HSBP1: variants seen among roughly 807,000 people sequenced by gnomAD.
HSBP1 encodes the protein heat shock factor binding protein 1.
Under a neutral mutation model 9.6 loss-of-function variants are expected in HSBP1, and 5 were observed. The observed-to-expected ratio is 0.52, with a 90% CI of 0.27 to 1.09. The LOEUF (loss-of-function observed/expected upper bound fraction) is 1.09, where lower values mean the gene tolerates loss of function less well. HSBP1 is among the 50% of genes least tolerant of loss of function. The pLI, the probability that HSBP1 is intolerant of heterozygous loss-of-function variation, is 0.11. For synonymous variants in HSBP1, 42 were observed against 33.3 expected (o/e 1.26, Z -0.90); for missense variants, 121 against 96.3 (o/e 1.26, Z -1.07).
intron 2 of HSBP1, 95 bp from the exon 3 acceptor site, chr16:83,809,210 T>G: frequency 2.6e-6 from 2 of 756,800 alleles, no homozygotes; most frequent in South Asian, 3.3e-5. Context: ...AAGACCAGTT[T>G]CCCTAAAGTC....
intron 3 of HSBP1, 24 bp downstream of exon 3, chr16:83,809,449 TTTC>T: frequency 4.6e-6 from 5 of 1,092,548 alleles, no homozygotes; most frequent in Admixed American, 2.8e-5. Context: ...CAATTTTTTT[TTTC>T]TTTTCTTTTC....
chr16:83,810,333 C>G (rs1904571668), intron 3 of HSBP1, among the ~76,000 whole-genome samples: 1 of 152,072 alleles, frequency 6.6e-6, no homozygotes, highest in Non-Finnish European at 1.5e-5. Context: ...TACAGAATCA[C>G]TCAGCAGAGT....
In HSBP1 at chr16:83,818,070, A is replaced by C. The variant is rs1294418027; in HGVS notation, c.*6652A>C. On this transcript the variant is annotated 3_prime_UTR_variant, in exon 4 of 4. Transcript: ENST00000433866. ...TGAAAGCCATCTGTCAAAAGTACGC[A>C]GTCTTGCTTGTAGAATTTTAGAGGT... The C allele has an allele frequency of 1.3e-5, 2 of 152,320 alleles. No homozygotes were observed. The highest frequency in any genetic ancestry group is 3.9e-4 in the East Asian group (2 of 5,180). 9.4% of individuals were successfully genotyped at this position (152,320 alleles called of 1,614,324 possible).
rs752140725 is a variant in HSBP1 at position 83,808,117 on chromosome 16, C to T, written c.41C>T (p.Ser14Leu). Residue 14 changes from serine (S) to leucine (L), a missense_variant, in exon 1 of 4, where the codon TCG becomes TTG. By Grantham distance (145) the Ser-to-Leu change is moderately radical. Transcript: ENST00000433866. ...CCCAAGACCGTGCAGGACCTCACCT[C>T]GGTGGTAAGGGACGGCTGTGAGGGC... The part of the protein sequence containing the change: ...TDPKTVQDLT[S>L]VVQTLLQQMQ... 2 of 1,546,368 alleles carry T rather than the reference C, an allele frequency of 1.3e-6. No homozygotes were observed. The highest frequency in any genetic ancestry group is 2.4e-5 in the South Asian group (2 of 83,996).
In HSBP1 at chr16:83,818,171, C is replaced by T. The variant is rs921354327; in HGVS notation, c.*6753C>T. On this transcript the variant is annotated 3_prime_UTR_variant, in exon 4 of 4. Transcript: ENST00000433866. ...CTCGGTTTCCTATCAGAATCCTTGT[C>T]TGGAAGGTTGATTATATCAGATGCG... The T allele has an allele frequency of 1.3e-5, 2 of 152,172 alleles. No homozygotes were observed. Among genetic ancestry groups the T allele is most frequent in the Non-Finnish European group, 2.9e-5 (2 of 68,036 alleles). The allele number at this position is 152,172 out of a possible 1,614,324, so 9.4% of individuals were successfully genotyped here. A position where few individuals can be genotyped will look rare whatever the true frequency, so the allele number is the denominator to read the frequency against.
Position 83,810,543 on chromosome 16 carries a change from AAG to A in HSBP1, c.*3-877_*3-876del, listed in dbSNP as rs1313864837. Among the ~76,000 whole-genome samples the A allele has an allele frequency of 6.1e-5, 9 of 146,458 alleles. No individual in the cohort carries two copies. In the East Asian group the frequency reaches 1.8e-3, roughly 30 times the overall value. ...TCTCAAAAAAAAAAAAAAAAAAAAA[AAG>A]GTACTGGTGCGTGGTGACTCATGCC... On this transcript the variant is annotated intron_variant, in intron 3 of 3. Transcript: ENST00000433866.
At position 83,808,305 on chromosome 16, in the gene HSBP1, C is replaced by A. The variant is rs1009303957; in HGVS notation, c.45+184C>A. 8.6e-6 allele frequency: 5 copies of A among 583,156 alleles called. No homozygotes were observed. The Admixed American group carries it at 1.9e-4, about 22-fold the overall frequency. The allele number at this position is 583,156 out of a possible 1,614,324, so 36.1% of individuals were successfully genotyped here. On this transcript the variant is annotated intron_variant, in intron 1 of 3. Coordinates refer to ENST00000433866, the MANE Select transcript of HSBP1 (RefSeq NM_001537.4). ...CCCGGGGCGCTCGGTGCGGGCCAGT[C>A]TCCCCGCGGGCGCCCCCAAGCCCGA... is the stretch of plus-strand genomic sequence containing the variant.
rs763756053 is a variant in HSBP1, at chr16:83,808,119, G to T, written c.43G>T (p.Val15Leu). The T allele has an allele frequency of 1.0e-5, 16 of 1,546,498 alleles. No individual in the cohort carries two copies. The highest frequency in any genetic ancestry group is 3.9e-5 in the Admixed American group (2 of 50,702). ...DPKTVQDLTS[V>L]VQTLLQQMQD... ...CAAGACCGTGCAGGACCTCACCTCG[G>T]TGGTAAGGGACGGCTGTGAGGGCCG... Residue 15 changes from valine to leucine, a missense_variant and splice_region_variant, in exon 1 of 4, where the codon GTG becomes TTG. Transcript: ENST00000433866.
chr16:83,811,988 C>T lies in HSBP1; in HGVS notation c.*570C>T, dbSNP rs749556605. 1.3e-5 allele frequency: 2 copies of T among 152,612 alleles called. No homozygotes were observed. The highest frequency in any genetic ancestry group is 2.4e-5 in the African/African-American group (1 of 41,442). 9.5% of individuals were successfully genotyped at this position (152,612 alleles called of 1,614,324 possible). A position where few individuals can be genotyped will look rare whatever the true frequency, so the allele number is the denominator to read the frequency against. ...GCCAAAACTCAGAATAGAACTTAGA[C>T]GTATGTCTGAGTCCCTGAGATCACA... is the stretch of plus-strand genomic sequence containing the variant. On this transcript the variant is annotated 3_prime_UTR_variant, in exon 4 of 4. Transcript: ENST00000433866.
Position 83,809,483 on chromosome 16 carries a change from T to A in HSBP1, c.*2+58T>A. 4 of 858,318 alleles carry A rather than the reference T, an allele frequency of 4.7e-6. No individual in the cohort carries two copies. In the South Asian group the frequency reaches 6.7e-5, roughly 14 times the overall value. The allele number at this position is 858,318 out of a possible 1,614,324, so 53.2% of individuals were successfully genotyped here. ...TTTTCTTTTTTTTTTTTTTTTTTTT[T>A]TTGACACGGAGTTTTGCTCTTGTTG... On this transcript the variant is annotated intron_variant, in intron 3 of 3. Coordinates refer to ENST00000433866, the MANE Select transcript of HSBP1 (RefSeq NM_001537.4).
chr16:83,812,542 A>C lies in HSBP1; in HGVS notation c.*1124A>C, dbSNP rs894554925. 1 of 152,234 alleles carries C rather than the reference A, an allele frequency of 6.6e-6. No homozygotes were observed. The highest frequency in any genetic ancestry group is 2.4e-5 in the African/African-American group (1 of 41,460). 9.4% of individuals were successfully genotyped at this position (152,234 alleles called of 1,614,324 possible). The stretch of plus-strand genomic sequence containing the variant: ...CAAAGTGCTTTTACACAAAAACTTG[A>C]AAATTTGAAAAACATGATTTTTTTA... On this transcript the variant is annotated 3_prime_UTR_variant, in exon 4 of 4. Coordinates refer to ENST00000433866, the MANE Select transcript of HSBP1 (RefSeq NM_001537.4).
Position 83,817,456 on chromosome 16 carries a change from G to C in HSBP1, c.*6038G>C, listed in dbSNP as rs1203376524. 6.6e-6 allele frequency: 1 copy of C among 152,240 alleles called. No homozygotes were observed. The highest frequency in any genetic ancestry group is 1.5e-5 in the Non-Finnish European group (1 of 68,058). The allele number at this position is 152,240 out of a possible 1,614,324, so 9.4% of individuals were successfully genotyped here. ...CTGTCCTGGGCCAGGTATGGCGCTA[G>C]CTGCTTTCACCTGTATCATCTCATT... On this transcript the variant is annotated 3_prime_UTR_variant, in exon 4 of 4. Transcript: ENST00000433866.
At chr16:83,808,227 C>T (rs897418289) in intron 1 of HSBP1, 106 bp downstream of exon 1, 8 of 965,826 alleles carry the variant, frequency 8.3e-6, no homozygotes, top group African/African-American at 1.8e-5. Context: ...TGGCGTCTGC[C>T]GAGGCCCCGT....
rs535813311 is a variant in HSBP1, at chr16:83,808,371, C to G, written c.45+250C>G. 129 of 552,408 alleles carry G rather than the reference C, an allele frequency of 2.3e-4. 1 individual carries two copies. The highest frequency in any genetic ancestry group is 3.6e-4 in the Non-Finnish European group (113 of 315,658). 34.2% of individuals were successfully genotyped at this position (552,408 alleles called of 1,614,324 possible). Reference sequence around the variant, plus strand: ...CCATTCATCTGTCGCGAACGCCCTCCGGGTCCCTCCCGCCTACCTCTGACA... The same window carrying G: ...CCATTCATCTGTCGCGAACGCCCTCGGGGTCCCTCCCGCCTACCTCTGACA... On this transcript the variant is annotated intron_variant, in intron 1 of 3. Transcript: ENST00000433866.
chr16:83,815,505 C>A lies in HSBP1; in HGVS notation c.*4087C>A, dbSNP rs1443028352. The A allele has an allele frequency of 2.2e-5, 2 of 90,974 alleles. No homozygotes were observed. The highest frequency in any genetic ancestry group is 8.4e-5 in the African/African-American group (2 of 23,906). The allele number at this position is 90,974 out of a possible 1,614,324, so 5.6% of individuals were successfully genotyped here. ...CCAGCCGGGGTGACAGAGCAAGACC[C>A]TGTCTCAAAAAAAAAAAAAAAGGGC... On this transcript the variant is annotated 3_prime_UTR_variant, in exon 4 of 4. Coordinates refer to ENST00000433866, the MANE Select transcript of HSBP1 (RefSeq NM_001537.4).
Position 83,819,433 on chromosome 16 carries a change from C to G in HSBP1, c.*8015C>G, listed in dbSNP as rs1904791756. 1 of 152,130 alleles carries G rather than the reference C, an allele frequency of 6.6e-6. No individual in the cohort carries two copies. The highest frequency in any genetic ancestry group is 2.4e-5 in the African/African-American group (1 of 41,416). 9.4% of individuals were successfully genotyped at this position (152,130 alleles called of 1,614,324 possible). A position where few individuals can be genotyped will look rare whatever the true frequency, so the allele number is the denominator to read the frequency against. ...CTTAATTACCCAGAACGTCCACGCT[C>G]TAGGACCTAGTGTGACCTCTTCTGC... is the stretch of plus-strand genomic sequence containing the variant. On this transcript the variant is annotated 3_prime_UTR_variant, in exon 4 of 4. Coordinates refer to ENST00000433866, the MANE Select transcript of HSBP1 (RefSeq NM_001537.4).
rs2032224756 is a variant in HSBP1, at chr16:83,813,922, T to G, written c.*2504T>G. The G allele has an allele frequency of 6.6e-6, 1 of 152,166 alleles. No individual in the cohort carries two copies. The highest frequency in any genetic ancestry group is 1.5e-5 in the Non-Finnish European group (1 of 68,042). 9.4% of individuals were successfully genotyped at this position (152,166 alleles called of 1,614,324 possible). A position where few individuals can be genotyped will look rare whatever the true frequency, so the allele number is the denominator to read the frequency against. ...CAAGTACAGTCATTGTTTAACCCTA[T>G]CAGGACTAACACAATATTTCACGTA... On this transcript the variant is annotated 3_prime_UTR_variant, in exon 4 of 4. Coordinates refer to ENST00000433866, the MANE Select transcript of HSBP1 (RefSeq NM_001537.4).
rs1025758833 is a variant in HSBP1 at position 83,813,612 on chromosome 16, C to G, written c.*2194C>G. 6.6e-6 allele frequency: 1 copy of G among 152,392 alleles called. No individual in the cohort carries two copies. Among genetic ancestry groups the G allele is most frequent in the Non-Finnish European group, 1.5e-5 (1 of 68,184 alleles). 9.4% of individuals were successfully genotyped at this position (152,392 alleles called of 1,614,324 possible). On this transcript the variant is annotated 3_prime_UTR_variant, in exon 4 of 4. Transcript: ENST00000433866. ...GGGATTACAGGCTGGAGCCACCATG[C>G]CTGTCCAAGGGTCTTTTTTATACTA... is the stretch of plus-strand genomic sequence containing the variant.
Position 83,807,991 on chromosome 16 carries a change from G to T in HSBP1, c.-86G>T. The stretch of plus-strand genomic sequence containing the variant: ...CCGCGAGCTGCCAGTCTCGTCGCGA[G>T]AAGCAGCGGCCCGGGGCGACTGAGC... On this transcript the variant is annotated 5_prime_UTR_variant, in exon 1 of 4. Transcript: ENST00000433866. The T allele has an allele frequency of 8.0e-7, 1 of 1,251,068 alleles. No homozygotes were observed. The highest frequency in any genetic ancestry group is 3.0e-5 in the East Asian group (1 of 33,844). The allele number at this position is 1,251,068 out of a possible 1,614,324, so 77.5% of individuals were successfully genotyped here. A position where few individuals can be genotyped will look rare whatever the true frequency, so the allele number is the denominator to read the frequency against.
Sources: allele counts gnomAD v4.1 joint callset (sites outside exome capture counted in the v4.1 genomes callset), GRCh38; gene constraint gnomAD v4.1.1; transcripts MANE v1.5; gene names NCBI Gene and HGNC (gene_info 2026-07-23, HGNC 2026-07-21).